PLEKHA2: variants seen among roughly 807,000 people sequenced by gnomAD.
PLEKHA2 encodes pleckstrin homology domain containing A2.
Under a neutral mutation model 53.2 loss-of-function variants are expected in PLEKHA2, and 28 were observed. That is an observed-to-expected ratio of 0.53 (90% CI 0.39 to 0.72). PLEKHA2 has a LOEUF of 0.72. PLEKHA2 is among the 30% of genes least tolerant of loss of function. PLEKHA2 has a pLI of 0.00. For missense variants in PLEKHA2, 426 were observed against 537.9 expected (o/e 0.79, Z 2.06); for synonymous variants, 193 against 196.4 (o/e 0.98, Z 0.14).
intron 2 of PLEKHA2, among the ~76,000 whole-genome samples, chr8:38,919,531 C>G (rs1441028556): frequency 6.6e-6 from 1 of 152,080 alleles, no homozygotes; most frequent in Non-Finnish European, 1.5e-5. Context: ...GGCTCTAGTT[C>G]CGAGGCTTGG....
At chr8:38,916,623 A>G (rs1456394330) in intron 1 of PLEKHA2, among the ~76,000 whole-genome samples, 3 of 152,222 alleles carry the variant, frequency 2.0e-5, no homozygotes, top group Non-Finnish European at 2.9e-5. Context: ...ATGGCTGAAT[A>G]GTACTCCATT....
chr8:38,904,325 GGGCAAAA>G (rs1376138121), intron 1 of PLEKHA2, among the ~76,000 whole-genome samples: 1 of 152,224 alleles, frequency 6.6e-6, no homozygotes, highest in East Asian at 1.9e-4. Context: ...TGCCCAGTGT[GGGCAAAA>G]GGCTTGGGGG....
chr8:38,956,195 A>C (rs767161805), intron 9 of PLEKHA2, among the ~76,000 whole-genome samples: 5 of 152,162 alleles, frequency 3.3e-5, no homozygotes, highest in Non-Finnish European at 7.4e-5. Flanking sequence ...GGCATTTAAC[A>C]CTGGGAAATA....
chr8:38,909,767 A>C (rs967214593), intron 1 of PLEKHA2, among the ~76,000 whole-genome samples: 11 of 152,088 alleles, frequency 7.2e-5, no homozygotes, highest in African/African-American at 2.4e-4. Flanking sequence ...CTCTCAGTTT[A>C]ATTGCCATTT....
chr8:38,924,104 G>T (rs1474141889), intron 2 of PLEKHA2, among the ~76,000 whole-genome samples: 2 of 152,086 alleles, frequency 1.3e-5, no homozygotes, highest in African/African-American at 4.8e-5. Flanking sequence ...CACCCACCTC[G>T]GCATCCAAAG....
chr8:38,939,979 C>T (rs745692765), intron 3 of PLEKHA2, among the ~76,000 whole-genome samples: 6 of 151,798 alleles, frequency 4.0e-5, no homozygotes, highest in Non-Finnish European at 8.8e-5. Context: ...TCTGTAGTCC[C>T]AGCTACTTGG....
Position 38,946,156 on chromosome 8 carries a change from C to T in PLEKHA2, c.280C>T (p.Gln94Ter), listed in dbSNP as rs757735976. The change falls in exon 5 of 12, where the codon CAA (glutamine) becomes TAA (stop). Residue 94 changes from glutamine to a stop codon, truncating the protein, a stop_gained. Transcript: ENST00000617275. LOFTEE classifies it high-confidence loss of function. ...INALSQRYFL[Q>*]ANDQKDMKDW... ...TGCCCTGTCTCAGAGATATTTCCTTCAAGCCAATGATCAGAAAGATATGAA... is the reference window on the plus strand; with the variant it reads ...TGCCCTGTCTCAGAGATATTTCCTTTAAGCCAATGATCAGAAAGATATGAA... 5.0e-6 allele frequency: 8 copies of T among 1,608,152 alleles called. No homozygotes were observed. Among genetic ancestry groups the T allele is most frequent in the Non-Finnish European group, 6.8e-6 (8 of 1,177,294 alleles).
intron 4 of PLEKHA2, 88 bp from the exon 5 acceptor site, chr8:38,946,036 C>T (rs1450550420): frequency 9.2e-7 from 1 of 1,092,232 alleles, no homozygotes; most frequent in Non-Finnish European, 1.4e-6. Flanking sequence ...ATCTCACTCC[C>T]TCAAACACCT....
chr8:38,960,014 G>A (rs926206576), intron 10 of PLEKHA2, among the ~76,000 whole-genome samples: 2 of 152,226 alleles, frequency 1.3e-5, no homozygotes, highest in African/African-American at 4.8e-5. Context: ...GGGAATGATT[G>A]TGCTGGTTGA....
In PLEKHA2 at chr8:38,915,830, T is replaced by G. The variant is rs79453626; in HGVS notation, c.-23-2077T>G. ...ATTCCTGGCAGAATTTTAGAAAAAT[T>G]TTTTATGTTTAATTTTTGTGCGTAC... On this transcript the variant is annotated intron_variant, in intron 1 of 11. Coordinates refer to ENST00000617275, the MANE Select transcript of PLEKHA2 (RefSeq NM_021623.2). Among the ~76,000 whole-genome samples, 300 of 152,202 alleles carry G rather than the reference T, an allele frequency of 2.0e-3. 3 individuals carry two copies. Among genetic ancestry groups the G allele is most frequent in the East Asian group, 5.8e-3 (30 of 5,182 alleles).
rs547135060 is a variant in PLEKHA2 at position 38,916,928 on chromosome 8, G to C, written c.-23-979G>C. On this transcript the variant is annotated intron_variant, in intron 1 of 11. Transcript: ENST00000617275. ...TTCCCTTTTCTCCACTTCCTCACCAGCATTTGTTGTTGCCTGTCTTTTGGA... is the reference window on the plus strand; with the variant it reads ...TTCCCTTTTCTCCACTTCCTCACCACCATTTGTTGTTGCCTGTCTTTTGGA... Among the ~76,000 whole-genome samples the C allele has an allele frequency of 5.9e-5, 9 of 152,254 alleles. No individual in the cohort carries two copies. In the South Asian group the frequency reaches 1.9e-3, roughly 32 times the overall value.
intron 1 of PLEKHA2, among the ~76,000 whole-genome samples, chr8:38,915,406 C>G (rs1017415537): frequency 6.6e-6 from 1 of 152,220 alleles, no homozygotes; most frequent in African/African-American, 2.4e-5. Context: ...AGGGTGTTAA[C>G]AGGGTTGGTT....
rs1300987882 is a variant in PLEKHA2, at chr8:38,918,162, G to C, written c.141+92G>C. On this transcript the variant is annotated intron_variant, in intron 2 of 11. Coordinates refer to ENST00000617275, the MANE Select transcript of PLEKHA2 (RefSeq NM_021623.2). ...AGGGTTAGCCTCCAGGCCTAGGCTC[G>C]TGAGCAACACAACCTGCTGATCAGC... 4 of 1,464,052 alleles carry C rather than the reference G, an allele frequency of 2.7e-6. No individual in the cohort carries two copies. The East Asian group carries it at 9.9e-5, about 36-fold the overall frequency. The allele number at this position is 1,464,052 out of a possible 1,614,324, so 90.7% of individuals were successfully genotyped here.
intron 2 of PLEKHA2, among the ~76,000 whole-genome samples, chr8:38,920,869 C>T (rs994797971): frequency 5.9e-5 from 9 of 151,850 alleles, no homozygotes; most frequent in Non-Finnish European, 1.2e-4. Flanking sequence ...GGCGCGATCT[C>T]AGCTCACTGC....
intron 2 of PLEKHA2, among the ~76,000 whole-genome samples, chr8:38,928,714 G>A (rs1230785711): frequency 1.3e-5 from 2 of 152,180 alleles, no homozygotes; most frequent in Non-Finnish European, 2.9e-5. Context: ...AAAACATTAA[G>A]CCCACGCAGC....
chr8:38,968,656 A>C lies in PLEKHA2; in HGVS notation c.902A>C (p.Lys301Thr). The change falls in exon 11 of 12, where the codon AAG (lysine) becomes ACG (threonine). Residue 301 changes from lysine (K) to threonine (T), a missense_variant. By Grantham distance (78) the Lys-to-Thr change is moderately conservative. Transcript: ENST00000617275. ...ATTGGCGCAGCTGTCCAGGCCCTCA[A>C]GTGCCACCCCAGAGTAAGTCACTTC... ...KEIGAAVQAL[K>T]CHPRETSFSR... The C allele has an allele frequency of 1.2e-6, 2 of 1,614,024 alleles. No homozygotes were observed. The highest frequency in any genetic ancestry group is 8.5e-7 in the Non-Finnish European group (1 of 1,179,888).
Position 38,939,637 on chromosome 8 carries a change from G to A in PLEKHA2, c.198+3587G>A, listed in dbSNP as rs551003432. 2.0e-5 allele frequency among the ~76,000 whole-genome samples: 3 copies of A among 152,352 alleles called. No individual in the cohort carries two copies. The South Asian group carries it at 6.2e-4, about 32-fold the overall frequency. On this transcript the variant is annotated intron_variant, in intron 3 of 11. Coordinates refer to ENST00000617275, the MANE Select transcript of PLEKHA2 (RefSeq NM_021623.2). ...AGCACAGGCTGGCTAATCAGTTGTGGTCAAAACGAGCATTTGTTATCCAAA... is the reference window on the plus strand; with the variant it reads ...AGCACAGGCTGGCTAATCAGTTGTGATCAAAACGAGCATTTGTTATCCAAA...
At chr8:38,925,605 C>T (rs1279404401) in intron 2 of PLEKHA2, among the ~76,000 whole-genome samples, 3 of 152,208 alleles carry the variant, frequency 2.0e-5, no homozygotes, top group Non-Finnish European at 4.4e-5. Context: ...CTTAGTACTC[C>T]TGGGGTGCCA....
intron 1 of PLEKHA2, among the ~76,000 whole-genome samples, chr8:38,910,468 C>A (rs1833939231): frequency 6.6e-6 from 1 of 152,020 alleles, no homozygotes; most frequent in Admixed American, 6.6e-5. Flanking sequence ...AAATAGGAAA[C>A]AAACATTTAA....
Sources: allele counts gnomAD v4.1 joint callset (sites outside exome capture counted in the v4.1 genomes callset), GRCh38; gene constraint gnomAD v4.1.1; transcripts MANE v1.5; gene names NCBI Gene and HGNC (gene_info 2026-07-23, HGNC 2026-07-21).